The following TMTC1 variants were observed in gnomAD, a reference collection of about 807,000 sequenced individuals.
TMTC1 encodes the protein protein O-mannosyl-transferase TMTC1.
In TMTC1, 73 loss-of-function variants were observed where a neutral mutation model predicts 104.8. The observed-to-expected ratio is 0.70, with a 90% CI of 0.58 to 0.85. The LOEUF is 0.85. Ranked by LOEUF, TMTC1 falls within the 40% of genes least tolerant of loss-of-function variation. The pLI, the probability that TMTC1 is intolerant of heterozygous loss-of-function variation, is 0.00. For synonymous variants in TMTC1, 434 were observed against 428.7 expected (o/e 1.01, Z -0.15); for missense variants, 1,035 against 1,096.1 (o/e 0.94, Z 0.79).
rs66652706 is a variant in TMTC1, at chr12:29,668,454, C to CTTTTTTTTTTTTTT, written c.939-35132_939-35119dup. Among the ~76,000 whole-genome samples the CTTTTTTTTTTTTTT allele has an allele frequency of 3.2e-4, 29 of 90,094 alleles. 3 individuals carry two copies. The highest frequency in any genetic ancestry group is 7.6e-4 in the East Asian group (2 of 2,628). 59.1% of individuals were successfully genotyped at this position (90,094 alleles called of 152,430 possible). Reference sequence around the variant, plus strand: ...CCACATTCAAACCATACCAACTTATCTTTTTTTTTTTTTTTTTTTTTTTTG... The same window carrying CTTTTTTTTTTTTTT: ...CCACATTCAAACCATACCAACTTATCTTTTTTTTTTTTTTTTTTTTTTTTTTTTTTTTTTTTTTG... On this transcript the variant is annotated intron_variant, in intron 5 of 17. Coordinates refer to ENST00000539277, the MANE Select transcript of TMTC1 (RefSeq NM_001193451.2).
intron 6 of TMTC1, among the ~76,000 whole-genome samples, chr12:29,629,605 T>C (rs1221499450): frequency 6.6e-6 from 1 of 152,138 alleles, no homozygotes; most frequent in East Asian, 1.9e-4. Context: ...TTATATTCTA[T>C]ACCCAGAATA....
intron 10 of TMTC1, among the ~76,000 whole-genome samples, chr12:29,555,039 G>C (rs1001882908): frequency 6.6e-6 from 1 of 151,104 alleles, no homozygotes; most frequent in African/African-American, 2.4e-5. Flanking sequence ...CAATTTATCA[G>C]CTCTAAAATT....
intron 10 of TMTC1, among the ~76,000 whole-genome samples, chr12:29,540,263 G>T (rs973048165): frequency 6.6e-6 from 1 of 152,128 alleles, no homozygotes; most frequent in Non-Finnish European, 1.5e-5. Flanking sequence ...CACAATAGTT[G>T]TTTCCTAAAC....
chr12:29,719,563 C>G (rs569851888), intron 5 of TMTC1, among the ~76,000 whole-genome samples: 1 of 152,296 alleles, frequency 6.6e-6, no homozygotes, highest in Non-Finnish European at 1.5e-5. Flanking sequence ...TTATGGTGAC[C>G]TCACAGCGAG....
At chr12:29,512,002 G>C (rs76455237) in intron 17 of TMTC1, 41 bp downstream of exon 17, 2 of 1,567,278 alleles carry the variant, frequency 1.3e-6, no homozygotes, top group Middle Eastern at 1.7e-4. Context: ...GAAAACACAG[G>C]GGGAAAGCCC....
At chr12:29,604,991 A>C in intron 6 of TMTC1, among the ~76,000 whole-genome samples, 1 of 152,176 alleles carries the variant, frequency 6.6e-6, no homozygotes. Flanking sequence ...GTCACTTATA[A>C]TTAACAGAAA....
chr12:29,658,065 A>G (rs913553108), intron 5 of TMTC1, among the ~76,000 whole-genome samples: 2 of 152,130 alleles, frequency 1.3e-5, no homozygotes, highest in Non-Finnish European at 2.9e-5. Context: ...TGCACTCCAC[A>G]CTGGGAGACA....
chr12:29,713,860 T>C (rs565528931), intron 5 of TMTC1, among the ~76,000 whole-genome samples: 2 of 152,234 alleles, frequency 1.3e-5, no homozygotes, highest in South Asian at 2.1e-4. Context: ...AATGCCACCG[T>C]GTAGAGAGGT....
At chr12:29,718,749 C>T (rs1021261714) in intron 5 of TMTC1, among the ~76,000 whole-genome samples, 8 of 151,894 alleles carry the variant, frequency 5.3e-5, no homozygotes, top group African/African-American at 1.7e-4. Context: ...CTGGCTAACA[C>T]GGTGAAACCC....
chr12:29,572,291 C>A lies in TMTC1; in HGVS notation c.1419-73G>T, dbSNP rs374725662. On this transcript the variant is annotated intron_variant, in intron 8 of 17. Transcript: ENST00000539277. Reference sequence around the variant, plus strand: ...TTGTCAGATTCCTTTATGTTTTACTCAGTTTCATGAACCTGTATTTGAAAT... The same window carrying A: ...TTGTCAGATTCCTTTATGTTTTACTAAGTTTCATGAACCTGTATTTGAAAT... 44 of 1,258,786 alleles carry A rather than the reference C, an allele frequency of 3.5e-5. No individual in the cohort carries two copies. In the African/African-American group the frequency reaches 5.8e-4, roughly 17 times the overall value. The allele number at this position is 1,258,786 out of a possible 1,614,324, so 78.0% of individuals were successfully genotyped here.
At chr12:29,743,907 C>T (rs1285126912) in intron 5 of TMTC1, among the ~76,000 whole-genome samples, 1 of 152,166 alleles carries the variant, frequency 6.6e-6, no homozygotes, top group Non-Finnish European at 1.5e-5. Context: ...CTGTGTTCTG[C>T]AAAAGAAGAG....
At chr12:29,551,787 C>CTT (rs34656608) in intron 10 of TMTC1, among the ~76,000 whole-genome samples, 28 of 139,250 alleles carry the variant, frequency 2.0e-4, no homozygotes, top group East Asian at 1.0e-3. Context: ...TTTCTTTCTT[C>CTT]TTTTTTTTTT....
At chr12:29,780,910 C>T (rs1943820731) in intron 1 of TMTC1, among the ~76,000 whole-genome samples, 2 of 152,166 alleles carry the variant, frequency 1.3e-5, no homozygotes, top group Non-Finnish European at 1.5e-5. Flanking sequence ...ATTTAAGATA[C>T]AGTTAAAATG....
chr12:29,711,885 T>C (rs1287367497), intron 5 of TMTC1, among the ~76,000 whole-genome samples: 2 of 151,662 alleles, frequency 1.3e-5, no homozygotes, highest in Non-Finnish European at 2.9e-5. Context: ...TGAGTGCCTG[T>C]AGTCCCAACT....
Position 29,643,198 on chromosome 12 carries a change from A to G in TMTC1, c.939-9862T>C, listed in dbSNP as rs577691076. Among the ~76,000 whole-genome samples the G allele has an allele frequency of 3.2e-4, 48 of 152,006 alleles. No individual in the cohort carries two copies. In the East Asian group the frequency reaches 8.0e-3, roughly 25 times the overall value. ...GAACACTTCTACACTGCTGGTAGGA[A>G]TGTAAACTAGTACAGCCACTATGGA... On this transcript the variant is annotated intron_variant, in intron 5 of 17. Coordinates refer to ENST00000539277, the MANE Select transcript of TMTC1 (RefSeq NM_001193451.2).
At chr12:29,575,181 A>T (rs1051509122) in intron 8 of TMTC1, among the ~76,000 whole-genome samples, 1 of 152,188 alleles carries the variant, frequency 6.6e-6, no homozygotes, top group Admixed American at 6.5e-5. Flanking sequence ...ACCTGAAGGA[A>T]GGTGGCAGGG....
intron 5 of TMTC1, among the ~76,000 whole-genome samples, chr12:29,664,758 C>T (rs1401964937): frequency 1.3e-5 from 2 of 152,238 alleles, no homozygotes; most frequent in Non-Finnish European, 2.9e-5. Context: ...ATTCTCTCAG[C>T]TATTCATTGC....
chr12:29,674,041 G>A (rs142806506), intron 5 of TMTC1, among the ~76,000 whole-genome samples: 1 of 151,640 alleles, frequency 6.6e-6, no homozygotes, highest in African/African-American at 2.4e-5. Flanking sequence ...TTACAGGTGT[G>A]AGCCACCACG....
chr12:29,513,646 G>T lies in TMTC1; in HGVS notation c.2430+836C>A, dbSNP rs553381368. On this transcript the variant is annotated intron_variant, in intron 16 of 17. Coordinates refer to ENST00000539277, the MANE Select transcript of TMTC1 (RefSeq NM_001193451.2). Reference sequence around the variant, plus strand: ...TATAATTTTATGACTTCAATAATTTGTGGCTTTACCAGATATAAGGAGAAA... The same window carrying T: ...TATAATTTTATGACTTCAATAATTTTTGGCTTTACCAGATATAAGGAGAAA... Among the ~76,000 whole-genome samples, 13 of 152,114 alleles carry T rather than the reference G, an allele frequency of 8.5e-5. No individual in the cohort carries two copies. The East Asian group carries it at 2.5e-3, about 29-fold the overall frequency.
Sources: allele counts gnomAD v4.1 joint callset (sites outside exome capture counted in the v4.1 genomes callset), GRCh38; gene constraint gnomAD v4.1.1; transcripts MANE v1.5; gene names NCBI Gene and HGNC (gene_info 2026-07-23, HGNC 2026-07-21).